Variants in FAT3 observed in about 807,000 individuals in gnomAD.
FAT3 encodes the protein FAT atypical cadherin 3.
In FAT3, 95 loss-of-function variants were observed where a neutral mutation model predicts 310.2. That is an observed-to-expected ratio of 0.31 (90% CI 0.26 to 0.36). The LOEUF (loss-of-function observed/expected upper bound fraction) is 0.36, where lower values mean the gene tolerates loss of function less well. FAT3 is among the 10% of genes least tolerant of loss of function. The pLI, the probability that FAT3 is intolerant of heterozygous loss-of-function variation, is 1.00. For synonymous variants in FAT3, 2,314 were observed against 2,192.9 expected, an observed-to-expected ratio of 1.06 and a Z score of -1.54; for missense variants, 5,408 against 5,715.6, an observed-to-expected ratio of 0.95 and a Z score of 1.74.
At position 92,490,323 on chromosome 11, in the gene FAT3, A is replaced by G. The variant is rs181297487; in HGVS notation, c.3293-34311A>G. Among the ~76,000 whole-genome samples the G allele has an allele frequency of 3.2e-3, 487 of 152,236 alleles. 2 individuals are homozygous for G. The highest frequency in any genetic ancestry group is 0.011 in the African/African-American group (458 of 41,558). Reference sequence around the variant, plus strand: ...GGGGCTGAATGGCTCTTTGTTCTGCATTTAAAATATTACTACAGTGTTCAC... The same window carrying G: ...GGGGCTGAATGGCTCTTTGTTCTGCGTTTAAAATATTACTACAGTGTTCAC... On this transcript the variant is annotated intron_variant, in intron 2 of 27. Coordinates refer to ENST00000525166, the MANE Select transcript of FAT3 (RefSeq NM_001367949.2).
chr11:92,721,547 A>C (rs190071580), intron 4 of FAT3, among the ~76,000 whole-genome samples: 1 of 152,336 alleles, frequency 6.6e-6, no homozygotes, highest in Non-Finnish European at 1.5e-5. Flanking sequence ...AACAAATTGC[A>C]ATTGCAATAT....
chr11:92,425,021 C>A lies in FAT3; in HGVS notation c.3292+69617C>A, dbSNP rs151171492. 1.4e-3 allele frequency among the ~76,000 whole-genome samples: 207 copies of A among 152,102 alleles called. 1 individual carries two copies. Among genetic ancestry groups the A allele is most frequent in the African/African-American group, 4.5e-3 (186 of 41,518 alleles). ...CAACACTTTCCAATGACAATAATCA[C>A]CCTTTATAAATGTTATGTTTATTGT... On this transcript the variant is annotated intron_variant, in intron 2 of 27. Transcript: ENST00000525166.
intron 1 of FAT3, among the ~76,000 whole-genome samples, chr11:92,328,077 G>A (rs1947812575): frequency 6.6e-6 from 1 of 152,094 alleles, no homozygotes; most frequent in Non-Finnish European, 1.5e-5. Context: ...TCTTGTTCCT[G>A]CTGCTCATCC....
chr11:92,347,141 G>C (rs554377688), intron 1 of FAT3, among the ~76,000 whole-genome samples: 6 of 152,324 alleles, frequency 3.9e-5, no homozygotes, highest in Admixed American at 3.3e-4. Context: ...AAATGGCATA[G>C]ATAGGATTCA....
At chr11:92,458,553 C>G (rs1331193223) in intron 2 of FAT3, among the ~76,000 whole-genome samples, 2 of 150,758 alleles carry the variant, frequency 1.3e-5, no homozygotes, top group Non-Finnish European at 3.0e-5. Context: ...ATCTGCACCC[C>G]CTTATTTCTG....
At chr11:92,804,788 A>G (rs1025170808) in intron 10 of FAT3, among the ~76,000 whole-genome samples, 3 of 152,216 alleles carry the variant, frequency 2.0e-5, no homozygotes, top group African/African-American at 7.2e-5. Context: ...CAAGAGCTAG[A>G]GTGTATTACA....
intron 12 of FAT3, 66 bp from the exon 13 acceptor site, chr11:92,809,777 T>C (rs1947617738): frequency 8.0e-7 from 1 of 1,254,034 alleles, no homozygotes; most frequent in Non-Finnish European, 1.1e-6. Context: ...TAATTGGTCC[T>C]CTGCTCTCCA....
chr11:92,629,787 T>C (rs1941486722), intron 3 of FAT3, among the ~76,000 whole-genome samples: 1 of 152,148 alleles, frequency 6.6e-6, no homozygotes, highest in South Asian at 2.1e-4. Flanking sequence ...ATCATCTAAA[T>C]CAGACTCCTG....
chr11:92,808,811 A>G, intron 12 of FAT3, among the ~76,000 whole-genome samples: 1 of 152,140 alleles, frequency 6.6e-6, no homozygotes, highest in East Asian at 1.9e-4. Context: ...CTGTAGTCCC[A>G]GCTACTTGGG....
At chr11:92,594,997 ATG>A (rs56275316) in intron 3 of FAT3, among the ~76,000 whole-genome samples, 42,693 of 148,938 alleles carry the variant, frequency 0.29, 6,119 homozygotes, top group Non-Finnish European at 0.32. Context: ...TCATGAATAA[ATG>A]TGTGTGTGTG....
intron 4 of FAT3, among the ~76,000 whole-genome samples, chr11:92,737,080 A>G (rs1945369698): frequency 1.3e-5 from 2 of 152,198 alleles, no homozygotes; most frequent in Admixed American, 1.3e-4. Context: ...ACATCTATTT[A>G]GAATGTATTT....
At chr11:92,745,847 A>T (rs2136039416) in intron 4 of FAT3, among the ~76,000 whole-genome samples, 1 of 152,328 alleles carries the variant, frequency 6.6e-6, no homozygotes, top group Admixed American at 6.5e-5. Context: ...AACTATGTGT[A>T]GTCCTGTGGT....
At chr11:92,643,563 A>T (rs913621492) in intron 3 of FAT3, among the ~76,000 whole-genome samples, 1 of 152,226 alleles carries the variant, frequency 6.6e-6, no homozygotes, top group African/African-American at 2.4e-5. Flanking sequence ...GCTTCCAACA[A>T]GGAGGATGAT....
intron 13 of FAT3, among the ~76,000 whole-genome samples, chr11:92,825,640 G>C (rs943118762): frequency 6.6e-6 from 1 of 152,078 alleles, no homozygotes; most frequent in African/African-American, 2.4e-5. Flanking sequence ...CTGGAAAGGG[G>C]GGTTGGGACC....
intron 8 of FAT3, among the ~76,000 whole-genome samples, chr11:92,791,965 C>T (rs571836537): frequency 6.6e-6 from 1 of 152,296 alleles, no homozygotes; most frequent in Non-Finnish European, 1.5e-5. Context: ...TAACATTTCT[C>T]TAAGTAAGAA....
rs139584947 is a variant in FAT3, at chr11:92,297,944, A to T, written c.-17-54152A>T. On this transcript the variant is annotated intron_variant, in intron 1 of 27. Coordinates refer to ENST00000525166, the MANE Select transcript of FAT3 (RefSeq NM_001367949.2). ...GTAATTTGAAAGAGAAATTCTGTCC[A>T]GCATTAGCTGGACATAATAAACCAG... is the stretch of plus-strand genomic sequence containing the variant. 9.9e-4 allele frequency among the ~76,000 whole-genome samples: 150 copies of T among 152,272 alleles called. 1 individual carries two copies. The highest frequency in any genetic ancestry group is 3.9e-3 in the Admixed American group (59 of 15,280).
In FAT3 at chr11:92,353,421, A is replaced by G. The variant is rs1207141223; in HGVS notation, c.1309A>G (p.Thr437Ala). ...GLIVTARPLN[T>A]VKKEVYKLEV... ...GATTGTTACAGCACGGCCACTGAAT[A>G]CTGTTAAGAAGGAGGTTTATAAACT... The change falls in exon 2 of 28, where the codon ACT (threonine) becomes GCT (alanine). Residue 437 changes from threonine (T) to alanine (A), a missense_variant. By Grantham distance (58) the Thr-to-Ala change is moderately conservative (BLOSUM62 0). This residue lies in a region of FAT3 where 4,588 missense variants were observed against 4,809.8 expected (regional missense o/e 0.95). Coordinates refer to ENST00000525166, the MANE Select transcript of FAT3 (RefSeq NM_001367949.2). 6 of 1,613,538 alleles carry G rather than the reference A, an allele frequency of 3.7e-6. No homozygotes were observed. The East Asian group carries it at 1.3e-4, about 36-fold the overall frequency.
intron 2 of FAT3, among the ~76,000 whole-genome samples, chr11:92,406,080 G>A (rs775187320): frequency 3.1e-4 from 47 of 152,106 alleles, no homozygotes; most frequent in Non-Finnish European, 4.9e-4. Context: ...TGGTTCATAA[G>A]TACGTGTGCT....
intron 1 of FAT3, among the ~76,000 whole-genome samples, chr11:92,295,256 TGTC>T (rs1160836918): frequency 6.6e-6 from 1 of 152,074 alleles, no homozygotes; most frequent in East Asian, 1.9e-4. Flanking sequence ...GGATGAAAAA[TGTC>T]GTTCAATTCA....
Sources: gnomAD v4.1 joint callset for allele counts (sites outside exome capture counted in the v4.1 genomes callset) on GRCh38, gnomAD v4.1.1 for gene constraint, gnomAD v4.1.1 regional missense constraint, MANE v1.5 for transcripts, NCBI Gene and HGNC (gene_info 2026-07-23, HGNC 2026-07-21) for gene names.